GOT1: variants seen among roughly 807,000 people sequenced by gnomAD.
GOT1 encodes aspartate aminotransferase, cytoplasmic.
Under a neutral mutation model 48.2 loss-of-function variants are expected in GOT1, and 25 were observed. The observed-to-expected ratio is 0.52, with a 90% CI of 0.38 to 0.72. GOT1 has a LOEUF of 0.72. Among genes scored for constraint, GOT1 ranks in the 30% least tolerant of loss-of-function variants. The probability of loss-of-function intolerance (pLI) is 0.00; values close to 1 mark genes in which losing one functional copy is unlikely to be tolerated. For missense variants in GOT1, 380 were observed against 520.1 expected (o/e 0.73, Z 2.62); for synonymous variants, 188 against 193.8 (o/e 0.97, Z 0.25).
intron 2 of GOT1, among the ~76,000 whole-genome samples, chr10:99,416,524 A>C (rs1215122872): frequency 2.0e-5 from 3 of 152,216 alleles, no homozygotes; most frequent in Non-Finnish European, 2.9e-5. Flanking sequence ...TGTACAAGGT[A>C]ATTTATAGAT....
chr10:99,424,978 C>T (rs1260206526), intron 1 of GOT1, among the ~76,000 whole-genome samples: 1 of 152,158 alleles, frequency 6.6e-6, no homozygotes, highest in Non-Finnish European at 1.5e-5. Flanking sequence ...CTCTTTCATT[C>T]ACTCGCTCAC....
chr10:99,421,948 C>T (rs1479894800), intron 1 of GOT1, among the ~76,000 whole-genome samples: 1 of 151,954 alleles, frequency 6.6e-6, no homozygotes, highest in Non-Finnish European at 1.5e-5. Flanking sequence ...TTGGGAAAAG[C>T]CCAGAAGGTA....
intron 1 of GOT1, among the ~76,000 whole-genome samples, chr10:99,421,884 C>T (rs2032973009): frequency 6.6e-6 from 1 of 151,996 alleles, no homozygotes; most frequent in African/African-American, 2.4e-5. Flanking sequence ...AAAAAAATTA[C>T]ATTTTAGGGT....
At chr10:99,426,949 C>T (rs146283254) in intron 1 of GOT1, among the ~76,000 whole-genome samples, 69 of 152,208 alleles carry the variant, frequency 4.5e-4, no homozygotes, top group African/African-American at 1.5e-3. Flanking sequence ...ATTACATTTT[C>T]TTCACAAGGG....
intron 8 of GOT1, among the ~76,000 whole-genome samples, chr10:99,401,007 C>T (rs1437142352): frequency 2.0e-5 from 3 of 152,080 alleles, no homozygotes; most frequent in East Asian, 3.8e-4. Flanking sequence ...TGATGCCAAG[C>T]GCTAAAAATA....
At chr10:99,401,215 G>T (rs1257449216) in intron 8 of GOT1, among the ~76,000 whole-genome samples, 1 of 152,168 alleles carries the variant, frequency 6.6e-6, no homozygotes, top group Admixed American at 6.5e-5. Flanking sequence ...ATAATTGTGA[G>T]TGAACTAATT....
At position 99,402,731 on chromosome 10, in the gene GOT1, T is replaced by C. The variant is rs1216168487; in HGVS notation, c.960-9A>G. 12 of 1,611,692 alleles carry C rather than the reference T, an allele frequency of 7.4e-6. No individual in the cohort carries two copies. The highest frequency in any genetic ancestry group is 1.0e-5 in the Non-Finnish European group (12 of 1,177,748). On this transcript the variant is annotated splice_polypyrimidine_tract_variant and intron_variant, in intron 7 of 8. Transcript: ENST00000370508. ...TCTTCACATTACCTGTCCTGAAGCA[T>C]GGACAGTGACGTAAATACCAATCCA...
chr10:99,408,988 G>A (rs921758299), intron 2 of GOT1, among the ~76,000 whole-genome samples: 12 of 152,144 alleles, frequency 7.9e-5, no homozygotes, highest in Non-Finnish European at 1.6e-4. Flanking sequence ...CAGGGAGTGG[G>A]TAGATGGAAA....
At chr10:99,398,525 C>T (rs1014658734) in intron 8 of GOT1, among the ~76,000 whole-genome samples, 8 of 152,040 alleles carry the variant, frequency 5.3e-5, no homozygotes, top group Non-Finnish European at 1.0e-4. Flanking sequence ...CAAAAATTAG[C>T]CAGGCGTGGT....
At chr10:99,403,140 C>T (rs2032703031) in intron 7 of GOT1, among the ~76,000 whole-genome samples, 1 of 152,120 alleles carries the variant, frequency 6.6e-6, no homozygotes, top group African/African-American at 2.4e-5. Flanking sequence ...AGCTCCCAAA[C>T]TGTTAAACTG....
Position 99,408,959 on chromosome 10 carries a change from G to GGGCAGGGA in GOT1, c.301-2118_301-2111dup, listed in dbSNP as rs370544644. On this transcript the variant is annotated intron_variant, in intron 2 of 8. Coordinates refer to ENST00000370508, the MANE Select transcript of GOT1 (RefSeq NM_002079.3). Reference sequence around the variant, plus strand: ...TAAATAATAATCCAGCTTTCGTGGAGGGCAGGGAGGCAGGGAGGCAGGGAG... The same window carrying GGGCAGGGA: ...TAAATAATAATCCAGCTTTCGTGGAGGGCAGGGAGGCAGGGAGGCAGGGAGGCAGGGAG... Among the ~76,000 whole-genome samples, 430 of 152,166 alleles carry GGGCAGGGA rather than the reference G, an allele frequency of 2.8e-3. 4 individuals are homozygous for GGGCAGGGA. The highest frequency in any genetic ancestry group is 9.9e-3 in the African/African-American group (409 of 41,498).
At chr10:99,404,228 G>A (rs2032724463) in intron 5 of GOT1, among the ~76,000 whole-genome samples, 1 of 152,040 alleles carries the variant, frequency 6.6e-6, no homozygotes. Context: ...GGTATCCCCA[G>A]GGCTCCTCAT....
At chr10:99,421,086 C>T (rs1362088920) in intron 1 of GOT1, among the ~76,000 whole-genome samples, 1 of 152,180 alleles carries the variant, frequency 6.6e-6, no homozygotes, top group Non-Finnish European at 1.5e-5. Context: ...AAAACTGGGA[C>T]ATCACAGAGC....
rs201311297 is a variant in GOT1, at chr10:99,403,443, G to A, written c.959+26C>T. The A allele has an allele frequency of 1.2e-4, 197 of 1,589,324 alleles. No individual in the cohort carries two copies. The East Asian group carries it at 4.1e-3, about 33-fold the overall frequency. ...TACTGTTCTGCACTCCCCACCCCCC[G>A]GCCCACCAGACTGGGAGCCCCTTAC... On this transcript the variant is annotated intron_variant, in intron 7 of 8. Coordinates refer to ENST00000370508, the MANE Select transcript of GOT1 (RefSeq NM_002079.3).
At chr10:99,398,226 T>C (rs1421761388) in intron 8 of GOT1, among the ~76,000 whole-genome samples, 3 of 152,232 alleles carry the variant, frequency 2.0e-5, no homozygotes, top group Non-Finnish European at 2.9e-5. Context: ...CCATCAGACT[T>C]CTGTTCATTT....
intron 8 of GOT1, among the ~76,000 whole-genome samples, chr10:99,400,490 T>C (rs1311949594): frequency 6.7e-6 from 1 of 148,734 alleles, no homozygotes; most frequent in African/African-American, 2.5e-5. Flanking sequence ...TACAAAAAAT[T>C]AGCCGGGCAT....
At chr10:99,398,251 A>C (rs978563759) in intron 8 of GOT1, among the ~76,000 whole-genome samples, 8 of 152,212 alleles carry the variant, frequency 5.3e-5, no homozygotes, top group African/African-American at 1.4e-4. Flanking sequence ...GCTTTCTCTC[A>C]GATGCAGTAG....
At chr10:99,406,315 C>A in intron 3 of GOT1, 66 bp from the exon 4 acceptor site, 1 of 1,161,922 alleles carries the variant, frequency 8.6e-7, no homozygotes, top group Admixed American at 1.7e-5. Flanking sequence ...GGAAAGGATG[C>A]AAGTCAGCTT....
intron 2 of GOT1, among the ~76,000 whole-genome samples, chr10:99,413,043 A>G (rs555915614): frequency 1.7e-3 from 258 of 152,366 alleles, no homozygotes; most frequent in African/African-American, 5.9e-3. Context: ...CTCTCCTCCT[A>G]CAAAGGAATG....
Sources: allele counts gnomAD v4.1 joint callset (sites outside exome capture counted in the v4.1 genomes callset), GRCh38; gene constraint gnomAD v4.1.1; transcripts MANE v1.5; gene names NCBI Gene and HGNC (gene_info 2026-07-23, HGNC 2026-07-21).